FBXO36: variants seen among roughly 807,000 people sequenced by gnomAD.
The protein encoded by FBXO36 is F-box protein 36.
Under a neutral mutation model 17.0 loss-of-function variants are expected in FBXO36, and 18 were observed. The ratio of observed to expected loss-of-function variants is 1.06; its 90% CI spans 0.73 to 1.57. The LOEUF (loss-of-function observed/expected upper bound fraction) is 1.57. FBXO36 is among the 40% of genes most tolerant of loss of function. The pLI, the probability that FBXO36 is intolerant of heterozygous loss-of-function variation, is 0.00. For synonymous variants in FBXO36, 83 were observed against 85.3 expected (o/e 0.97, Z 0.15); for missense variants, 229 against 221.9 (o/e 1.03, Z -0.20).
intron 1 of FBXO36, among the ~76,000 whole-genome samples, chr2:229,952,288 A>G (rs1396411255): frequency 2.6e-5 from 4 of 152,100 alleles, no homozygotes; most frequent in Admixed American, 6.6e-5. Context: ...GGAGTTTCCC[A>G]AGACAACACC....
At chr2:229,976,144 A>G in intron 1 of FBXO36, 97 bp from the exon 2 acceptor site, 1 of 750,584 alleles carries the variant, frequency 1.3e-6, no homozygotes, top group Non-Finnish European at 2.2e-6. Flanking sequence ...CTAATGTTGG[A>G]CACATAGCCT....
At chr2:229,931,291 T>G (rs1229669633) in intron 1 of FBXO36, among the ~76,000 whole-genome samples, 1 of 152,210 alleles carries the variant, frequency 6.6e-6, no homozygotes, top group Non-Finnish European at 1.5e-5. Flanking sequence ...ATTGTTCACT[T>G]GGTACCTGTG....
At chr2:229,965,338 C>T (rs1246248973) in intron 1 of FBXO36, among the ~76,000 whole-genome samples, 1 of 148,346 alleles carries the variant, frequency 6.7e-6, no homozygotes, top group African/African-American at 2.5e-5. Context: ...AATGAATTTT[C>T]TTTTTTTTTC....
intron 2 of FBXO36, among the ~76,000 whole-genome samples, chr2:229,977,472 T>C (rs1380679204): frequency 6.6e-6 from 1 of 152,052 alleles, no homozygotes; most frequent in East Asian, 1.9e-4. Context: ...TTTTTTGAGA[T>C]GGAGTTTTGC....
At chr2:229,954,226 C>T (rs924717427) in intron 1 of FBXO36, among the ~76,000 whole-genome samples, 47 of 78,478 alleles carry the variant, frequency 6.0e-4, no homozygotes, top group Non-Finnish European at 1.1e-3. Flanking sequence ...TCATTACAAA[C>T]CCTTTGGATT....
At chr2:229,992,270 G>A (rs1445205325) in intron 2 of FBXO36, among the ~76,000 whole-genome samples, 3 of 151,702 alleles carry the variant, frequency 2.0e-5, no homozygotes, top group East Asian at 3.9e-4. Context: ...CAATTATCAT[G>A]CCTCAGCCTT....
Position 229,948,518 on chromosome 2 carries a change from GAAAAAA to G in FBXO36, c.96+25923_96+25928del, listed in dbSNP as rs59155537. 1.4e-3 allele frequency among the ~76,000 whole-genome samples: 185 copies of G among 129,278 alleles called. 1 individual carries two copies. The highest frequency in any genetic ancestry group is 5.0e-3 in the African/African-American group (178 of 35,532). The allele number at this position is 129,278 out of a possible 152,430, so 84.8% of individuals were successfully genotyped here. A position where few individuals can be genotyped will look rare whatever the true frequency, so the allele number is the denominator to read the frequency against. On this transcript the variant is annotated intron_variant, in intron 1 of 3. Transcript: ENST00000283946. ...TTTAGCCGAACACTTGGGCTTTAGA[GAAAAAA>G]AAAAAAAAAAAAAGACTTCATTTCT... is the stretch of plus-strand genomic sequence containing the variant.
At chr2:229,989,967 T>C (rs1402294302) in intron 2 of FBXO36, among the ~76,000 whole-genome samples, 3 of 151,962 alleles carry the variant, frequency 2.0e-5, no homozygotes, top group African/African-American at 4.8e-5. Flanking sequence ...TCTGGTCTTA[T>C]TTCTGACATT....
chr2:229,954,999 G>A (rs1560439245), intron 1 of FBXO36, among the ~76,000 whole-genome samples: 2 of 151,702 alleles, frequency 1.3e-5, no homozygotes, highest in African/African-American at 4.8e-5. Context: ...ACGGACATGC[G>A]CCACCACGCC....
At chr2:229,922,905 G>C (rs2076803679) in intron 1 of FBXO36, among the ~76,000 whole-genome samples, 1 of 152,226 alleles carries the variant, frequency 6.6e-6, no homozygotes, top group South Asian at 2.1e-4. Context: ...TCCGCGCGAA[G>C]AGGAAAACGG....
chr2:229,930,087 C>T (rs980004990), intron 1 of FBXO36, among the ~76,000 whole-genome samples: 1 of 152,162 alleles, frequency 6.6e-6, no homozygotes, highest in Non-Finnish European at 1.5e-5. Context: ...GTGGCTCACA[C>T]AGGTAATCCT....
At chr2:229,923,847 G>GTTTTTTTTTTTTTT (rs71045800) in intron 1 of FBXO36, among the ~76,000 whole-genome samples, 3 of 77,710 alleles carry the variant, frequency 3.9e-5, no homozygotes, top group African/African-American at 5.2e-5. Flanking sequence ...TTTTGGTGTT[G>GTTTTTTTTTTTTTT]TTTTTTTTTT....
At chr2:229,993,212 G>A (rs1210047107) in intron 2 of FBXO36, among the ~76,000 whole-genome samples, 3 of 152,126 alleles carry the variant, frequency 2.0e-5, no homozygotes, top group Non-Finnish European at 4.4e-5. Flanking sequence ...ATTTGTATCT[G>A]TAAAGAATCT....
intron 1 of FBXO36, among the ~76,000 whole-genome samples, chr2:229,940,384 C>T (rs533512625): frequency 4.1e-4 from 63 of 152,102 alleles, no homozygotes; most frequent in African/African-American, 1.5e-3. Context: ...GTAATAGTAC[C>T]GCGGTGAGGA....
At chr2:229,989,291 C>G (rs769500102) in intron 2 of FBXO36, among the ~76,000 whole-genome samples, 1 of 152,038 alleles carries the variant, frequency 6.6e-6, no homozygotes, top group African/African-American at 2.4e-5. Flanking sequence ...GAGTTTAGCT[C>G]TTGTTGCCTA....
intron 1 of FBXO36, 67 bp downstream of exon 1, chr2:229,922,676 C>T (rs369209491): frequency 5.9e-6 from 9 of 1,537,630 alleles, no homozygotes; most frequent in African/African-American, 4.1e-5. Flanking sequence ...GCCCGGGACG[C>T]AGGCTGTGCT....
chr2:229,926,599 C>T (rs1254818354), intron 1 of FBXO36, among the ~76,000 whole-genome samples: 1 of 151,520 alleles, frequency 6.6e-6, no homozygotes, highest in African/African-American at 2.4e-5. Context: ...AAAAAATTAG[C>T]TGGGCATGGT....
intron 1 of FBXO36, among the ~76,000 whole-genome samples, chr2:229,925,542 C>T (rs2076907888): frequency 6.6e-6 from 1 of 152,054 alleles, no homozygotes; most frequent in African/African-American, 2.4e-5. Context: ...CCTCCCCTTT[C>T]TCCTGTCTTT....
At chr2:229,984,730 G>C (rs1324957603) in intron 2 of FBXO36, among the ~76,000 whole-genome samples, 1 of 152,076 alleles carries the variant, frequency 6.6e-6, no homozygotes, top group Non-Finnish European at 1.5e-5. Flanking sequence ...CATATATTAT[G>C]ATTATTTTTC....
Sources: allele counts gnomAD v4.1 joint callset (sites outside exome capture counted in the v4.1 genomes callset), GRCh38; gene constraint gnomAD v4.1.1; transcripts MANE v1.5; gene names NCBI Gene and HGNC (gene_info 2026-07-23, HGNC 2026-07-21).